ENOX1: variants seen among roughly 807,000 people sequenced by gnomAD.
The protein encoded by ENOX1 is candidate growth-related and time keeping constitutive hydroquinone (NADH) oxidase.
ENOX1 carries 42 observed loss-of-function variants against 82.5 expected under a neutral mutation model. The ratio of observed to expected loss-of-function variants is 0.51; its 90% CI spans 0.40 to 0.66. The LOEUF is 0.66. Ranked by LOEUF, ENOX1 falls within the 30% of genes least tolerant of loss-of-function variation. The pLI is 0.00. For synonymous variants in ENOX1, 271 were observed against 282.2 expected, an observed-to-expected ratio of 0.96 and a Z score of 0.40; for missense variants, 608 against 811.6, an observed-to-expected ratio of 0.75 and a Z score of 3.05.
At chr13:43,705,566 T>C (rs190759882) in intron 1 of ENOX1, among the ~76,000 whole-genome samples, 32 of 152,216 alleles carry the variant, frequency 2.1e-4, no homozygotes, top group African/African-American at 7.2e-4. Flanking sequence ...CAAGCCAATG[T>C]ATATTACCAG....
rs190863043 is a variant in ENOX1 at position 43,575,725 on chromosome 13, A to G, written c.-218-91573T>C. On this transcript the variant is annotated intron_variant, in intron 2 of 16. Transcript: ENST00000690772. Reference sequence around the variant, plus strand: ...TAAGACATAGATTCCTCGGTAATTTAGCAAATTTCCAGCTGTAGTACTCCT... The same window carrying G: ...TAAGACATAGATTCCTCGGTAATTTGGCAAATTTCCAGCTGTAGTACTCCT... Among the ~76,000 whole-genome samples, 14 of 152,350 alleles carry G rather than the reference A, an allele frequency of 9.2e-5. No individual in the cohort carries two copies. In the East Asian group the frequency reaches 2.7e-3, roughly 29 times the overall value.
chr13:43,615,509 C>T (rs2082369141), intron 2 of ENOX1, among the ~76,000 whole-genome samples: 1 of 152,118 alleles, frequency 6.6e-6, no homozygotes, highest in African/African-American at 2.4e-5. Flanking sequence ...TACAGACAGC[C>T]TCAAAAATTA....
At chr13:43,569,825 C>T (rs2080094523) in intron 2 of ENOX1, among the ~76,000 whole-genome samples, 1 of 152,096 alleles carries the variant, frequency 6.6e-6, no homozygotes, top group Non-Finnish European at 1.5e-5. Context: ...GCTTTTTTGT[C>T]TGCTTGACAA....
intron 1 of ENOX1, among the ~76,000 whole-genome samples, chr13:43,687,069 C>T (rs1288320055): frequency 6.6e-6 from 1 of 152,184 alleles, no homozygotes; most frequent in African/African-American, 2.4e-5. Context: ...CCTCTGTGCT[C>T]TCACACCACT....
At chr13:43,242,550 G>A (rs1409131469) in intron 14 of ENOX1, among the ~76,000 whole-genome samples, 1 of 152,230 alleles carries the variant, frequency 6.6e-6, no homozygotes, top group Non-Finnish European at 1.5e-5. Context: ...CAGAATGAGA[G>A]GTGGCCATGA....
intron 12 of ENOX1, among the ~76,000 whole-genome samples, chr13:43,276,863 T>G (rs998918844): frequency 1.3e-5 from 2 of 152,230 alleles, no homozygotes; most frequent in African/African-American, 4.8e-5. Flanking sequence ...AGCTTGAATT[T>G]TCTTGTTACA....
chr13:43,551,565 A>G (rs1456161977), intron 2 of ENOX1, among the ~76,000 whole-genome samples: 1 of 152,228 alleles, frequency 6.6e-6, no homozygotes, highest in Non-Finnish European at 1.5e-5. Context: ...TAAAAGGTAC[A>G]TTATAATTTA....
chr13:43,293,141 T>C (rs1431883773), intron 12 of ENOX1, among the ~76,000 whole-genome samples: 1 of 151,974 alleles, frequency 6.6e-6, no homozygotes, highest in African/African-American at 2.4e-5. Context: ...ATAGCCACCA[T>C]TCTCACCACA....
intron 14 of ENOX1, among the ~76,000 whole-genome samples, chr13:43,248,907 A>G (rs2043291662): frequency 6.6e-6 from 1 of 152,144 alleles, no homozygotes; most frequent in Non-Finnish European, 1.5e-5. Context: ...TATTTGAAAA[A>G]TAGGATTATG....
chr13:43,671,300 G>A (rs529777827), intron 1 of ENOX1, among the ~76,000 whole-genome samples: 20 of 152,094 alleles, frequency 1.3e-4, no homozygotes, highest in Non-Finnish European at 2.2e-4. Context: ...GTGTGAGAAC[G>A]GACTAACACA....
intron 16 of ENOX1, among the ~76,000 whole-genome samples, chr13:43,220,812 G>A (rs1417892988): frequency 2.0e-5 from 3 of 152,142 alleles, no homozygotes; most frequent in African/African-American, 7.2e-5. Context: ...TGCTCTTAAG[G>A]AGAACCCCAG....
intron 5 of ENOX1, among the ~76,000 whole-genome samples, chr13:43,382,245 A>G (rs1030382248): frequency 4.6e-5 from 7 of 152,180 alleles, no homozygotes; most frequent in African/African-American, 9.6e-5. Flanking sequence ...AGACTAAAAA[A>G]GAGAAACACA....
intron 1 of ENOX1, among the ~76,000 whole-genome samples, chr13:43,719,631 C>T (rs978448991): frequency 8.5e-5 from 13 of 152,252 alleles, no homozygotes; most frequent in Admixed American, 7.2e-4. Flanking sequence ...CACAAGATAT[C>T]CAAAGGAACT....
At chr13:43,516,406 GAGA>G (rs2077563212) in intron 2 of ENOX1, among the ~76,000 whole-genome samples, 2 of 152,146 alleles carry the variant, frequency 1.3e-5, no homozygotes, top group Admixed American at 6.6e-5. Context: ...GTACACGTTA[GAGA>G]AGGTTTGCCT....
chr13:43,271,156 G>A (rs2044656122), intron 12 of ENOX1, among the ~76,000 whole-genome samples: 2 of 152,346 alleles, frequency 1.3e-5, no homozygotes, highest in South Asian at 4.1e-4. Context: ...AAGATAGGAA[G>A]TTGTCTTCAA....
intron 1 of ENOX1, among the ~76,000 whole-genome samples, chr13:43,716,951 A>C (rs377337151): frequency 5.3e-5 from 8 of 152,260 alleles, no homozygotes; most frequent in African/African-American, 1.9e-4. Context: ...AATATTGTTA[A>C]AATGATGATA....
intron 12 of ENOX1, among the ~76,000 whole-genome samples, chr13:43,280,387 C>G (rs937730593): frequency 8.5e-5 from 13 of 152,212 alleles, no homozygotes; most frequent in African/African-American, 3.1e-4. Flanking sequence ...ACTGGAGAAC[C>G]AAACAATAAC....
chr13:43,344,736 A>G lies in ENOX1; in HGVS notation c.838T>C (p.Ser280Pro). 1 of 1,613,916 alleles carries G rather than the reference A, an allele frequency of 6.2e-7. No individual in the cohort carries two copies. Among genetic ancestry groups the G allele is most frequent in the African/African-American group, 1.3e-5 (1 of 75,052 alleles). ...AEKLKDDSKFSEAITVLLSWI... is the reference protein window; with the variant it reads ...AEKLKDDSKFPEAITVLLSWI... ...GAAAGCAGCACTGTGATAGCCTCTG[A>G]AAACTTGCTATCATCTGGAAATGGA... is the stretch of plus-strand genomic sequence containing the variant. Residue 280 changes from serine (S) to proline (P), a missense_variant, in exon 9 of 17, where the codon TCA becomes CCA. Physicochemically the swap from Ser to Pro is moderately conservative, Grantham distance 74. Coordinates refer to ENST00000690772, the MANE Select transcript of ENOX1 (RefSeq NM_001347969.2).
At chr13:43,572,364 G>A (rs1359892768) in intron 2 of ENOX1, among the ~76,000 whole-genome samples, 13 of 152,268 alleles carry the variant, frequency 8.5e-5, no homozygotes, top group African/African-American at 2.6e-4. Context: ...TGAGGACAGT[G>A]GAATATTATT....
Sources: allele counts gnomAD v4.1 joint callset (sites outside exome capture counted in the v4.1 genomes callset), GRCh38; gene constraint gnomAD v4.1.1; transcripts MANE v1.5; gene names NCBI Gene and HGNC (gene_info 2026-07-23, HGNC 2026-07-21).